Variants in CES5A observed in about 807,000 individuals in gnomAD.
CES5A encodes the protein carboxylesterase 5.
CES5A carries 67 observed loss-of-function variants against 62.9 expected under a neutral mutation model. That is an observed-to-expected ratio of 1.07 (90% CI 0.88 to 1.31). The LOEUF is 1.31. Among genes scored for constraint, CES5A ranks in the 50% most tolerant of loss-of-function variants. CES5A has a pLI of 0.00. For synonymous variants in CES5A, 296 were observed against 280.8 expected, an observed-to-expected ratio of 1.05 and a Z score of -0.54; for missense variants, 748 against 708.5, an observed-to-expected ratio of 1.06 and a Z score of -0.63.
intron 1 of CES5A, among the ~76,000 whole-genome samples, chr16:55,898,067 G>T (rs555945152): frequency 6.6e-6 from 1 of 152,326 alleles, no homozygotes; most frequent in South Asian, 2.1e-4. Flanking sequence ...TGCCCTGGTG[G>T]TATGGACAAT....
At chr16:55,891,286 C>G (rs2033874803) in intron 1 of CES5A, among the ~76,000 whole-genome samples, 1 of 152,200 alleles carries the variant, frequency 6.6e-6, no homozygotes, top group Non-Finnish European at 1.5e-5. Flanking sequence ...CACCATTGCT[C>G]CATCTGTGAG....
rs571431163 is a variant in CES5A, at chr16:55,904,518, A to AC, written c.-256+20804dup. ...GAGATCCTAATTCCTCCACTCCTGG[A>AC]CCCCTCAGGGTCAAATCTCTACTAC... On this transcript the variant is annotated intron_variant, in intron 1 of 12. Transcript: ENST00000518005. Among the ~76,000 whole-genome samples the AC allele has an allele frequency of 7.9e-5, 12 of 152,224 alleles. No homozygotes were observed. The East Asian group carries it at 2.3e-3, about 29-fold the overall frequency.
intron 4 of CES5A, among the ~76,000 whole-genome samples, chr16:55,866,681 C>CAAAAAAAAAAAA (rs1287845742): frequency 1.0e-5 from 1 of 98,376 alleles, no homozygotes; most frequent in Non-Finnish European, 2.1e-5. Flanking sequence ...AAAAAAAATA[C>CAAAAAAAAAAAA]AAAAAAATTA....
chr16:55,893,787 A>G (rs1386839775), intron 1 of CES5A, among the ~76,000 whole-genome samples: 7 of 152,204 alleles, frequency 4.6e-5, no homozygotes, highest in African/African-American at 1.4e-4. Flanking sequence ...AGAGCAAAGA[A>G]AGAGAACAAT....
intron 1 of CES5A, among the ~76,000 whole-genome samples, chr16:55,917,291 C>T (rs1215328573): frequency 6.6e-6 from 1 of 152,200 alleles, no homozygotes; most frequent in African/African-American, 2.4e-5. Flanking sequence ...ACAAATTACC[C>T]CCTAAATTTA....
intron 1 of CES5A, among the ~76,000 whole-genome samples, chr16:55,886,844 G>A (rs1280189647): frequency 6.6e-6 from 1 of 152,006 alleles, no homozygotes; most frequent in Non-Finnish European, 1.5e-5. Context: ...TCTGTATCAT[G>A]GGATCCTATG....
intron 1 of CES5A, among the ~76,000 whole-genome samples, chr16:55,889,187 G>C (rs1250493327): frequency 6.6e-6 from 1 of 151,246 alleles, no homozygotes; most frequent in East Asian, 1.9e-4. Context: ...ACCATTCAAC[G>C]CAATGCTTCT....
At chr16:55,870,541 A>G (rs1299345936) in intron 3 of CES5A, among the ~76,000 whole-genome samples, 1 of 152,096 alleles carries the variant, frequency 6.6e-6, no homozygotes, top group Non-Finnish European at 1.5e-5. Flanking sequence ...TCTCTACTAA[A>G]CAAAAAATTA....
Position 55,889,859 on chromosome 16 carries a change from T to C in CES5A, c.-255-15822A>G, listed in dbSNP as rs1260618317. 2.6e-5 allele frequency among the ~76,000 whole-genome samples: 4 copies of C among 152,182 alleles called. No individual in the cohort carries two copies. In the East Asian group the frequency reaches 7.7e-4, roughly 29 times the overall value. The stretch of plus-strand genomic sequence containing the variant: ...CATTAGAATACAAAAGACACTCTTA[T>C]TGCTCTAAGTATTTAAGAGGTTTTA... On this transcript the variant is annotated intron_variant, in intron 1 of 12. Coordinates refer to the CES5A transcript ENST00000518005.
intron 2 of CES5A, among the ~76,000 whole-genome samples, chr16:55,934,227 G>A (rs964032161): frequency 1.1e-4 from 16 of 152,038 alleles, no homozygotes; most frequent in Non-Finnish European, 1.8e-4. Context: ...ATTTGTTATA[G>A]CTAGCATTAT....
At chr16:55,948,267 A>G (rs1448198978) in intron 2 of CES5A, among the ~76,000 whole-genome samples, 1 of 152,130 alleles carries the variant, frequency 6.6e-6, no homozygotes, top group African/African-American at 2.4e-5. Context: ...GGGAAAAAAA[A>G]GAGGGAGGAT....
chr16:55,932,007 G>T (rs1380853423), intron 2 of CES5A, among the ~76,000 whole-genome samples: 1 of 152,186 alleles, frequency 6.6e-6, no homozygotes, highest in Non-Finnish European at 1.5e-5. Context: ...GGTCATGAGG[G>T]CTATGCCTTC....
chr16:55,950,217 T>TGA (rs1157590094), intron 1 of CES5A, among the ~76,000 whole-genome samples: 2 of 152,184 alleles, frequency 1.3e-5, no homozygotes, highest in Non-Finnish European at 2.9e-5. Flanking sequence ...ATTGACAGGA[T>TGA]GATTGGTTGG....
At chr16:55,852,744 A>G (rs2033156882) in intron 10 of CES5A, 137 bp downstream of exon 10, 1 of 925,576 alleles carries the variant, frequency 1.1e-6, no homozygotes. Context: ...GCATGTTTCC[A>G]TCCAGGCACA....
At chr16:55,900,331 A>C (rs1363500780) in intron 1 of CES5A, among the ~76,000 whole-genome samples, 1 of 152,238 alleles carries the variant, frequency 6.6e-6, no homozygotes, top group African/African-American at 2.4e-5. Flanking sequence ...CCTTATCTTC[A>C]AACAGCCATG....
At chr16:55,879,604 A>T (rs2033740351), upstream of CES5A, among the ~76,000 whole-genome samples, 1 of 151,852 alleles carries the variant, frequency 6.6e-6, no homozygotes, top group African/African-American at 2.4e-5. Flanking sequence ...TTTGCCTTGA[A>T]TTCTTTTCTT....
At chr16:55,889,222 A>T (rs1416348179) in intron 1 of CES5A, among the ~76,000 whole-genome samples, 1 of 152,088 alleles carries the variant, frequency 6.6e-6, no homozygotes, top group African/African-American at 2.4e-5. Flanking sequence ...GTATTTCCCC[A>T]TACACCAAGA....
At chr16:55,924,606 T>A (rs2142462729) in intron 1 of CES5A, among the ~76,000 whole-genome samples, 1 of 152,114 alleles carries the variant, frequency 6.6e-6, no homozygotes, top group Middle Eastern at 3.4e-3. Flanking sequence ...AGACCCTTAA[T>A]AGCCAAAGCA....
intron 1 of CES5A, among the ~76,000 whole-genome samples, chr16:55,912,543 G>A (rs1029155784): frequency 6.6e-6 from 1 of 151,872 alleles, no homozygotes; most frequent in South Asian, 2.1e-4. Context: ...AGAGAAAGAG[G>A]AGAAGGAGAA....
Sources: gnomAD v4.1 joint callset for allele counts (sites outside exome capture counted in the v4.1 genomes callset) on GRCh38, gnomAD v4.1.1 for gene constraint, MANE v1.5 for transcripts, NCBI Gene and HGNC (gene_info 2026-07-23, HGNC 2026-07-21) for gene names.